Variants in PCDH9 observed in about 807,000 individuals in gnomAD.
The protein encoded by PCDH9 is protocadherin 9, also known as protocadherin-9.
Under a neutral mutation model 70.6 loss-of-function variants are expected in PCDH9, and 24 were observed. The observed-to-expected ratio is 0.34, with a 90% CI of 0.25 to 0.48. The LOEUF (loss-of-function observed/expected upper bound fraction) is 0.48. PCDH9 is among the 20% of genes least tolerant of loss of function. The pLI is 0.99. For synonymous variants in PCDH9, 562 were observed against 558.5 expected (o/e 1.01, Z -0.09); for missense variants, 1,281 against 1,503.6 (o/e 0.85, Z 2.45).
intron 3 of PCDH9, among the ~76,000 whole-genome samples, chr13:66,694,875 C>T (rs1353161335): frequency 6.6e-6 from 1 of 151,042 alleles, no homozygotes; most frequent in Non-Finnish European, 1.5e-5. Context: ...ATGAGCATTA[C>T]TTTAAAAATG....
At chr13:66,977,701 G>C (rs1210452502) in intron 2 of PCDH9, among the ~76,000 whole-genome samples, 1 of 152,060 alleles carries the variant, frequency 6.6e-6, no homozygotes, top group Non-Finnish European at 1.5e-5. Context: ...AGCTTGAATG[G>C]TAACTGAGCA....
intron 3 of PCDH9, among the ~76,000 whole-genome samples, chr13:66,776,023 C>T (rs2079886676): frequency 6.6e-6 from 1 of 152,286 alleles, no homozygotes; most frequent in Admixed American, 6.5e-5. Context: ...GGTCATTTGA[C>T]ACACTGCTGT....
intron 4 of PCDH9, among the ~76,000 whole-genome samples, chr13:66,315,807 G>C (rs948113417): frequency 6.6e-6 from 1 of 152,134 alleles, no homozygotes; most frequent in African/African-American, 2.4e-5. Flanking sequence ...AACAGGACTT[G>C]CTTCTTCCCC....
intron 2 of PCDH9, among the ~76,000 whole-genome samples, chr13:67,039,697 AT>A (rs1179169302): frequency 1.6e-4 from 24 of 152,182 alleles, no homozygotes; most frequent in Non-Finnish European, 2.9e-4. Flanking sequence ...TAATATTTTT[AT>A]AATGAATCAG....
chr13:66,905,652 C>A (rs913657541), intron 2 of PCDH9, among the ~76,000 whole-genome samples: 1 of 151,826 alleles, frequency 6.6e-6, no homozygotes, highest in African/African-American at 2.4e-5. Context: ...AAAATTTAAC[C>A]CATCATATTG....
intron 2 of PCDH9, among the ~76,000 whole-genome samples, chr13:67,073,204 T>A (rs936185192): frequency 6.6e-6 from 1 of 152,104 alleles, no homozygotes; most frequent in Non-Finnish European, 1.5e-5. Flanking sequence ...TTGTCATTCT[T>A]ATGCAAATGG....
intron 2 of PCDH9, among the ~76,000 whole-genome samples, chr13:67,152,092 CT>C (rs2087677295): frequency 2.0e-5 from 3 of 152,132 alleles, no homozygotes; most frequent in Admixed American, 6.5e-5. Flanking sequence ...ACTTACAAGA[CT>C]TTTTGTGTCC....
rs1414704696 is a variant in PCDH9, at chr13:66,849,487, TATATATA to T, written c.3138+54010_3138+54016del. Among the ~76,000 whole-genome samples, 11 of 51,168 alleles carry T rather than the reference TATATATA, an allele frequency of 2.1e-4. 1 individual carries two copies. The Admixed American group carries it at 2.8e-3, about 13-fold the overall frequency. The allele number at this position is 51,168 out of a possible 152,430, so 33.6% of individuals were successfully genotyped here. A position where few individuals can be genotyped will look rare whatever the true frequency, so the allele number is the denominator to read the frequency against. On this transcript the variant is annotated intron_variant, in intron 3 of 4. Transcript: ENST00000377865. ...GACATCTATGACAATCATAGGTAGG[TATATATA>T]TATATATATATATATATATATATAG...
intron 4 of PCDH9, among the ~76,000 whole-genome samples, chr13:66,461,933 C>A (rs1958432257): frequency 6.6e-6 from 1 of 151,730 alleles, no homozygotes; most frequent in African/African-American, 2.4e-5. Flanking sequence ...CCTTACCATA[C>A]CATCCCTATT....
intron 4 of PCDH9, among the ~76,000 whole-genome samples, chr13:66,542,714 A>G (rs1961017229): frequency 6.8e-6 from 1 of 147,256 alleles, no homozygotes; most frequent in African/African-American, 2.5e-5. Flanking sequence ...ATAAAAACAT[A>G]TATATGTTTA....
At chr13:66,800,280 C>T (rs2080305794) in intron 3 of PCDH9, among the ~76,000 whole-genome samples, 1 of 152,044 alleles carries the variant, frequency 6.6e-6, no homozygotes. Flanking sequence ...TACTTTCTCT[C>T]ATGTTGTTGA....
chr13:67,036,474 G>A (rs940212531), intron 2 of PCDH9, among the ~76,000 whole-genome samples: 1 of 152,066 alleles, frequency 6.6e-6, no homozygotes, highest in African/African-American at 2.4e-5. Context: ...CTTTCCAGGA[G>A]AAACATAAAA....
chr13:67,188,053 T>C (rs1405945963), intron 2 of PCDH9, among the ~76,000 whole-genome samples: 3 of 152,108 alleles, frequency 2.0e-5, no homozygotes, highest in South Asian at 4.1e-4. Flanking sequence ...AAGAGTATAA[T>C]AGAATTGTAA....
chr13:66,834,676 T>TAAA (rs2139415660), intron 3 of PCDH9, among the ~76,000 whole-genome samples: 2 of 152,318 alleles, frequency 1.3e-5, no homozygotes, highest in South Asian at 4.1e-4. Context: ...TTGGGGAATC[T>TAAA]AAAAATTAAC....
In PCDH9 at chr13:67,207,445, T is replaced by C. The variant is rs189646619; in HGVS notation, c.3036+17960A>G. 406 of 152,296 alleles carry C rather than the reference T, an allele frequency of 2.7e-3. 2 individuals carry two copies. Among genetic ancestry groups the C allele is most frequent in the African/African-American group, 9.1e-3 (377 of 41,576 alleles). The allele number at this position is 152,296 out of a possible 1,614,324, so 9.4% of individuals were successfully genotyped here. A position where few individuals can be genotyped will look rare whatever the true frequency, so the allele number is the denominator to read the frequency against. On this transcript the variant is annotated intron_variant, in intron 2 of 4. Coordinates refer to ENST00000377865, the MANE Select transcript of PCDH9 (RefSeq NM_203487.3). ...ACGGACAATAATAACAGTATCCTCC[T>C]CAGAAAGTAGTTGGTTCTATTTGAA...
rs66460017 is a variant in PCDH9 at position 67,214,935 on chromosome 13, G to GATATATATATATATATATATATATATAT, written c.3036+10442_3036+10469dup. 63 of 89,272 alleles carry GATATATATATATATATATATATATATAT rather than the reference G, an allele frequency of 7.1e-4. 19 individuals are homozygous for GATATATATATATATATATATATATATAT. The highest frequency in any genetic ancestry group is 1.3e-3 in the East Asian group (4 of 3,076). 5.5% of individuals were successfully genotyped at this position (89,272 alleles called of 1,614,324 possible). A position where few individuals can be genotyped will look rare whatever the true frequency, so the allele number is the denominator to read the frequency against. On this transcript the variant is annotated intron_variant, in intron 2 of 4. Transcript: ENST00000377865. ...CTGAGTGTCTGGCTATTGCGAGCCA[G>GATATATATATATATATATATATATATAT]ATATATATATATATATATATATATA... is the stretch of plus-strand genomic sequence containing the variant.
At chr13:67,156,040 C>G (rs9541021) in intron 2 of PCDH9, among the ~76,000 whole-genome samples, 3 of 152,058 alleles carry the variant, frequency 2.0e-5, no homozygotes, top group Non-Finnish European at 4.4e-5. Flanking sequence ...TACAGGAGTG[C>G]TGGGAAGGCA....
intron 3 of PCDH9, among the ~76,000 whole-genome samples, chr13:66,856,769 A>T (rs1168272686): frequency 6.6e-6 from 1 of 152,062 alleles, no homozygotes; most frequent in East Asian, 1.9e-4. Flanking sequence ...TATTAATAAT[A>T]TCTTATGCCA....
intron 3 of PCDH9, among the ~76,000 whole-genome samples, chr13:66,759,672 T>C (rs1236890486): frequency 1.5e-5 from 1 of 67,258 alleles, no homozygotes; most frequent in African/African-American, 4.9e-5. Context: ...GAGTTTTGCT[T>C]CACAGTTACC....
Sources: allele counts gnomAD v4.1 joint callset (sites outside exome capture counted in the v4.1 genomes callset), GRCh38; gene constraint gnomAD v4.1.1; transcripts MANE v1.5; gene names NCBI Gene and HGNC (gene_info 2026-07-23, HGNC 2026-07-21).